Variants in GARIN2 observed in about 807,000 individuals in gnomAD.
GARIN2 encodes the protein golgi associated RAB2 interactor family member 2, also known as Golgi-associated RAB2 interactor protein 2.
chr14:67,225,922 T>C, the GARIN2 span, among the ~76,000 whole-genome samples: 3 of 117,416 alleles, frequency 2.6e-5, no homozygotes, highest in African/African-American at 1.1e-4. Flanking sequence ...AAGCTAATGC[T>C]GTGAGTGTGT....
At chr14:67,198,088 G>C in the GARIN2 span, 10 of 1,524,206 alleles carry the variant, frequency 6.6e-6, no homozygotes, top group African/African-American at 1.4e-5. Flanking sequence ...ACTTAATTAT[G>C]ATATTAAATT....
At chr14:67,226,179 CTTGTTTATTT>C in the GARIN2 span, among the ~76,000 whole-genome samples, 1 of 152,090 alleles carries the variant, frequency 6.6e-6, no homozygotes, top group Non-Finnish European at 1.5e-5. Context: ...TGTTTATTTA[CTTGTTTATTT>C]ATTTTTATTT....
At chr14:67,202,318 G>A in the GARIN2 span, among the ~76,000 whole-genome samples, 361 of 152,258 alleles carry the variant, frequency 2.4e-3, no homozygotes, top group African/African-American at 8.4e-3. Context: ...GCATGTGCCT[G>A]TAATCCCAGC....
chr14:67,225,511 G>A, the GARIN2 span, among the ~76,000 whole-genome samples: 3 of 152,286 alleles, frequency 2.0e-5, no homozygotes, highest in Admixed American at 1.3e-4. Context: ...AGAGAATTAT[G>A]TGCTGCACTA....
chr14:67,208,589 G>A, the GARIN2 span: 3 of 953,358 alleles, frequency 3.1e-6, no homozygotes, highest in Middle Eastern at 5.0e-4. Context: ...TGATGATATA[G>A]TCAACTCTGA....
the GARIN2 span, among the ~76,000 whole-genome samples, chr14:67,212,994 C>G: frequency 6.6e-6 from 1 of 151,588 alleles, no homozygotes; most frequent in African/African-American, 2.4e-5. Context: ...GGACGCTGGA[C>G]CAGCAGCATC....
At chr14:67,215,653 C>G in the GARIN2 span, among the ~76,000 whole-genome samples, 1 of 151,998 alleles carries the variant, frequency 6.6e-6, no homozygotes, top group Non-Finnish European at 1.5e-5. Flanking sequence ...GGAAAACATA[C>G]CTTTCACTAC....
the GARIN2 span, among the ~76,000 whole-genome samples, chr14:67,222,519 G>C: frequency 0.042 from 6,377 of 152,194 alleles, 817 homozygotes; most frequent in East Asian, 0.42. Flanking sequence ...CCAGTGATCT[G>C]CCCACCTGGG....
chr14:67,200,228 A>T, the GARIN2 span: 2 of 1,004,722 alleles, frequency 2.0e-6, no homozygotes. Flanking sequence ...GCCCTCCACA[A>T]CCCACACCCT....
At chr14:67,193,860 A>C in the GARIN2 span, among the ~76,000 whole-genome samples, 1 of 147,730 alleles carries the variant, frequency 6.8e-6, no homozygotes, top group Non-Finnish European at 1.5e-5. Flanking sequence ...TGAGAGGATC[A>C]CTTGGGCTGG....
chr14:67,202,102 T>C, the GARIN2 span, among the ~76,000 whole-genome samples: 1 of 152,160 alleles, frequency 6.6e-6, no homozygotes, highest in African/African-American at 2.4e-5. Context: ...TTGGTACGTG[T>C]TCAGGAAATT....
chr14:67,200,290 C>T, the GARIN2 span: 2 of 692,734 alleles, frequency 2.9e-6, no homozygotes, highest in Non-Finnish European at 2.5e-6. Context: ...CCACCAGTTG[C>T]CCCTCGAGGC....
At chr14:67,193,954 C>CAAAAAAAAAAAAAAA in the GARIN2 span, among the ~76,000 whole-genome samples, 5 of 85,756 alleles carry the variant, frequency 5.8e-5, no homozygotes, top group African/African-American at 2.1e-4. Flanking sequence ...CAAAAAAAAA[C>CAAAAAAAAAAAAAAA]AAAAAAAAAA....
chr14:67,225,345 G>T, the GARIN2 span: 1 of 907,854 alleles, frequency 1.1e-6, no homozygotes, highest in Non-Finnish European at 1.6e-6. Context: ...TAATAAGTGG[G>T]ATCTTTTAAC....
the GARIN2 span, among the ~76,000 whole-genome samples, chr14:67,217,078 C>T: frequency 4.6e-5 from 7 of 152,078 alleles, no homozygotes; most frequent in African/African-American, 1.4e-4. Context: ...CTTTATAAAT[C>T]TGGGTGCTCC....
the GARIN2 span, among the ~76,000 whole-genome samples, chr14:67,227,237 C>G: frequency 1.3e-5 from 2 of 151,584 alleles, no homozygotes; most frequent in East Asian, 3.9e-4. Context: ...GTCAGGAGTT[C>G]GAGACCAGCC....
chr14:67,194,879 A>G, the GARIN2 span, among the ~76,000 whole-genome samples: 1 of 152,086 alleles, frequency 6.6e-6, no homozygotes, highest in African/African-American at 2.4e-5. Context: ...GCTGATCTTG[A>G]ACTCCTGACC....
At chr14:67,228,147 GT>G in the GARIN2 span, among the ~76,000 whole-genome samples, 1 of 149,988 alleles carries the variant, frequency 6.7e-6, no homozygotes, top group South Asian at 2.1e-4. Context: ...TCCAGCCTGG[GT>G]GACAGAGTGA....
the GARIN2 span, among the ~76,000 whole-genome samples, chr14:67,202,489 C>A: frequency 6.6e-6 from 1 of 152,104 alleles, no homozygotes; most frequent in Non-Finnish European, 1.5e-5. Flanking sequence ...TACATTATAT[C>A]TAAAATAAGG....
Sources: allele counts gnomAD v4.1 joint callset (sites outside exome capture counted in the v4.1 genomes callset), GRCh38; gene constraint gnomAD v4.1.1; transcripts MANE v1.5; gene names NCBI Gene and HGNC (gene_info 2026-07-23, HGNC 2026-07-21).